The following B4GALT6 variants were observed in gnomAD, a reference collection of about 807,000 sequenced individuals.
B4GALT6 encodes beta-1,4-galactosyltransferase 6.
A neutral mutation model predicts 46.3 loss-of-function variants in B4GALT6; 14 were observed. That is an observed-to-expected ratio of 0.30 (90% CI 0.20 to 0.47). B4GALT6 has a LOEUF of 0.47. Among genes scored for constraint, B4GALT6 ranks in the 20% least tolerant of loss-of-function variants. The pLI, the probability that B4GALT6 is intolerant of heterozygous loss-of-function variation, is 0.99. For missense variants in B4GALT6, 386 were observed against 480.1 expected, an observed-to-expected ratio of 0.80 and a Z score of 1.83; for synonymous variants, 168 against 162.0, an observed-to-expected ratio of 1.04 and a Z score of -0.28.
chr18:31,721,860 TTCTCTCTCTC>T, the B4GALT6 span, among the ~76,000 whole-genome samples: 1 of 151,276 alleles, frequency 6.6e-6, no homozygotes, highest in Non-Finnish European at 1.5e-5. Flanking sequence ...TTCTCTTTCT[TTCTCTCTCTC>T]TCTCTCTCTC....
At chr18:31,666,892 T>C (rs1228293896) in intron 1 of B4GALT6, among the ~76,000 whole-genome samples, 2 of 152,170 alleles carry the variant, frequency 1.3e-5, no homozygotes, top group Admixed American at 6.5e-5. Flanking sequence ...CAGTATCTGT[T>C]TGGGTCATTT....
intron 1 of B4GALT6, among the ~76,000 whole-genome samples, chr18:31,678,428 A>G (rs2074440868): frequency 6.6e-6 from 1 of 151,998 alleles, no homozygotes; most frequent in African/African-American, 2.4e-5. Flanking sequence ...TCGCTCGTCT[A>G]TACAGTATTC....
chr18:31,639,958 A>G (rs2073909895), intron 4 of B4GALT6, among the ~76,000 whole-genome samples: 1 of 152,208 alleles, frequency 6.6e-6, no homozygotes, highest in Non-Finnish European at 1.5e-5. Flanking sequence ...AAAAACCTAA[A>G]GTGTTTTCAA....
chr18:31,717,912 C>T, the B4GALT6 span, among the ~76,000 whole-genome samples: 314 of 143,918 alleles, frequency 2.2e-3, 1 homozygote, highest in African/African-American at 7.7e-3. Context: ...CGAGATCGTG[C>T]CATTGCACTC....
upstream of B4GALT6, among the ~76,000 whole-genome samples, chr18:31,687,330 C>G (rs2029963264): frequency 6.6e-6 from 1 of 152,208 alleles, no homozygotes; most frequent in South Asian, 2.1e-4. Context: ...CAGTCACTCT[C>G]TGTCCACAGT....
At chr18:31,714,474 AGATGGGCAAGCCTGG>A in the B4GALT6 span, among the ~76,000 whole-genome samples, 3 of 152,180 alleles carry the variant, frequency 2.0e-5, no homozygotes, top group Admixed American at 2.0e-4. Context: ...GGGGATGCAC[AGATGGGCAAGCCTGG>A]GAAGAAGGCA....
the B4GALT6 span, among the ~76,000 whole-genome samples, chr18:31,716,719 A>C: frequency 6.6e-6 from 1 of 152,160 alleles, no homozygotes; most frequent in African/African-American, 2.4e-5. Context: ...TGTTGAGAGC[A>C]ATCTCTTGGA....
chr18:31,706,193 TG>T, the B4GALT6 span, among the ~76,000 whole-genome samples: 1 of 152,274 alleles, frequency 6.6e-6, no homozygotes, highest in African/African-American at 2.4e-5. Flanking sequence ...CATATGTATA[TG>T]TATAAATGTG....
At chr18:31,722,554 C>T in the B4GALT6 span, among the ~76,000 whole-genome samples, 2 of 152,132 alleles carry the variant, frequency 1.3e-5, no homozygotes, top group African/African-American at 4.8e-5. Flanking sequence ...GATTGTTCTG[C>T]CCCCTAGAGG....
rs142988304 is a variant in B4GALT6, at chr18:31,643,710, C to T, written c.471+1645G>A. ...GGAAATACTCATGTGATACACCTGT[C>T]TCCTGGAAAATGAGAAGAAAACAAA... is the stretch of plus-strand genomic sequence containing the variant. On this transcript the variant is annotated intron_variant, in intron 4 of 8. Coordinates refer to ENST00000306851, the MANE Select transcript of B4GALT6 (RefSeq NM_004775.5). Among the ~76,000 whole-genome samples the T allele has an allele frequency of 2.6e-3, 401 of 152,300 alleles. 1 individual carries two copies. Among genetic ancestry groups the T allele is most frequent in the African/African-American group, 9.3e-3 (386 of 41,566 alleles).
At chr18:31,653,138 A>G (rs186747074) in intron 3 of B4GALT6, among the ~76,000 whole-genome samples, 95 of 151,880 alleles carry the variant, frequency 6.3e-4, no homozygotes, top group African/African-American at 2.2e-3. Flanking sequence ...CTCCCTCTGA[A>G]GCTCACCTCA....
intron 1 of B4GALT6, among the ~76,000 whole-genome samples, chr18:31,683,790 C>T (rs1466891203): frequency 1.3e-5 from 2 of 152,094 alleles, no homozygotes; most frequent in East Asian, 3.9e-4. Context: ...CCTTAAAATT[C>T]CCCAAGTATG....
intron 1 of B4GALT6, among the ~76,000 whole-genome samples, chr18:31,670,203 G>A (rs556520109): frequency 6.6e-6 from 1 of 151,986 alleles, no homozygotes; most frequent in Non-Finnish European, 1.5e-5. Flanking sequence ...GCAGGCACCT[G>A]CCACTATGCC....
intron 4 of B4GALT6, among the ~76,000 whole-genome samples, chr18:31,643,821 T>C (rs1460390768): frequency 6.6e-6 from 1 of 152,204 alleles, no homozygotes; most frequent in Non-Finnish European, 1.5e-5. Flanking sequence ...GTTCTACTAG[T>C]ATGCTACCCA....
At chr18:31,646,844 T>C (rs2073996773) in intron 3 of B4GALT6, among the ~76,000 whole-genome samples, 1 of 152,232 alleles carries the variant, frequency 6.6e-6, no homozygotes, top group African/African-American at 2.4e-5. Flanking sequence ...AAATACCTGC[T>C]TCCCAGAATA....
chr18:31,657,184 ACT>A (rs945389437), intron 3 of B4GALT6, among the ~76,000 whole-genome samples: 8 of 150,924 alleles, frequency 5.3e-5, no homozygotes, highest in African/African-American at 1.5e-4. Flanking sequence ...GAAAACTCAC[ACT>A]CTGTTGTTCT....
At chr18:31,690,882 C>A in the B4GALT6 span, among the ~76,000 whole-genome samples, 1 of 152,124 alleles carries the variant, frequency 6.6e-6, no homozygotes, top group African/African-American at 2.4e-5. Context: ...TCATTCTCAG[C>A]AAACTAACAC....
intron 5 of B4GALT6, among the ~76,000 whole-genome samples, chr18:31,632,492 A>G (rs1326060384): frequency 6.6e-6 from 1 of 152,120 alleles, no homozygotes; most frequent in Non-Finnish European, 1.5e-5. Context: ...ATACATTTCA[A>G]CTCTTCCCAT....
At chr18:31,647,928 T>C (rs1372006918) in intron 3 of B4GALT6, among the ~76,000 whole-genome samples, 1 of 152,164 alleles carries the variant, frequency 6.6e-6, no homozygotes, top group African/African-American at 2.4e-5. Context: ...TTCATCTCTT[T>C]CGCGTACTCT....
Sources: gnomAD v4.1 joint callset for allele counts (sites outside exome capture counted in the v4.1 genomes callset) on GRCh38, gnomAD v4.1.1 for gene constraint, MANE v1.5 for transcripts, NCBI Gene and HGNC (gene_info 2026-07-23, HGNC 2026-07-21) for gene names.